The following DISC1 variants were observed in gnomAD, a reference collection of about 807,000 sequenced individuals.
The protein encoded by DISC1 is DISC1 scaffold protein.
In DISC1, 57 loss-of-function variants were observed where a neutral mutation model predicts 84.5. That is an observed-to-expected ratio of 0.67 (90% CI 0.55 to 0.84). The LOEUF (loss-of-function observed/expected upper bound fraction) is 0.84, where lower values mean the gene tolerates loss of function less well. DISC1 is among the 40% of genes least tolerant of loss of function. DISC1 has a pLI of 0.00. For missense variants in DISC1, 1,000 were observed against 1,057.8 expected (o/e 0.95, Z 0.76); for synonymous variants, 411 against 415.2 (o/e 0.99, Z 0.12).
intron 7 of DISC1, among the ~76,000 whole-genome samples, chr1:231,799,308 T>C (rs2125633289): frequency 6.6e-6 from 1 of 152,252 alleles, no homozygotes; most frequent in South Asian, 2.1e-4. Context: ...CCCTAAACAG[T>C]GTCTATTAAT....
rs2063060672 is a variant in DISC1 at position 231,675,569 on chromosome 1, T to C, written c.68-18257T>C. The stretch of plus-strand genomic sequence containing the variant: ...AAAATTTCCTGGGCTAGTAGGTCTC[T>C]CAAGGTGGCTGAGAGACCCTAGAAG... On this transcript the variant is annotated intron_variant, in intron 1 of 12. Coordinates refer to ENST00000439617, the MANE Select transcript of DISC1 (RefSeq NM_018662.3). The surrounding 1 kb of genome is among the most constrained non-coding windows in gnomAD (Gnocchi z 4.1). 6.6e-6 allele frequency among the ~76,000 whole-genome samples: 1 copy of C among 152,166 alleles called. No individual in the cohort carries two copies. Among genetic ancestry groups the C allele is most frequent in the African/African-American group, 2.4e-5 (1 of 41,422 alleles).
intron 11 of DISC1, among the ~76,000 whole-genome samples, chr1:232,021,042 C>G (rs1392349778): frequency 6.6e-6 from 1 of 152,126 alleles, no homozygotes; most frequent in East Asian, 1.9e-4. Context: ...CATCACATAC[C>G]AGGAGGACAT....
chr1:231,634,365 C>G (rs796437647), intron 1 of DISC1, among the ~76,000 whole-genome samples: 1 of 152,020 alleles, frequency 6.6e-6, no homozygotes, highest in East Asian at 1.9e-4. Flanking sequence ...AGAGATAAAA[C>G]GGGGTTCTAA....
intron 2 of DISC1, among the ~76,000 whole-genome samples, chr1:231,700,877 G>A (rs2066332272): frequency 6.6e-6 from 1 of 152,178 alleles, no homozygotes; most frequent in Non-Finnish European, 1.5e-5. Context: ...TGAAGGAAAT[G>A]TAGGTGTGAG....
At chr1:231,638,371 G>T (rs1207835333) in intron 1 of DISC1, among the ~76,000 whole-genome samples, 1 of 152,086 alleles carries the variant, frequency 6.6e-6, no homozygotes, top group Non-Finnish European at 1.5e-5. Flanking sequence ...TGTTGTTGTT[G>T]TTGCCTGTGC....
At chr1:231,960,238 C>A (rs945615170) in intron 10 of DISC1, among the ~76,000 whole-genome samples, 7 of 152,016 alleles carry the variant, frequency 4.6e-5, no homozygotes, top group African/African-American at 1.5e-4. Flanking sequence ...GTTTCCTTTA[C>A]CTTCTTCTTA....
At chr1:231,937,664 G>T (rs1207880773) in intron 9 of DISC1, among the ~76,000 whole-genome samples, 1 of 152,128 alleles carries the variant, frequency 6.6e-6, no homozygotes, top group East Asian at 1.9e-4. Context: ...ATGGGGGGAT[G>T]TCCAGGCTGC....
At chr1:231,993,761 A>G (rs551465969) in intron 10 of DISC1, among the ~76,000 whole-genome samples, 1 of 152,314 alleles carries the variant, frequency 6.6e-6, no homozygotes, top group African/African-American at 2.4e-5. Context: ...CATGAAAAAA[A>G]ATGGAGAAAT....
At chr1:231,997,990 A>G (rs894170280) in intron 10 of DISC1, among the ~76,000 whole-genome samples, 3 of 152,256 alleles carry the variant, frequency 2.0e-5, no homozygotes, top group South Asian at 2.1e-4. Context: ...TAGACATACA[A>G]GGTGTTCAAC....
chr1:231,866,601 C>G (rs774339894), intron 9 of DISC1: 5 of 1,495,932 alleles, frequency 3.3e-6, no homozygotes, highest in Non-Finnish European at 9.3e-7. Context: ...GGACACAGCA[C>G]TGTGATTTGA....
At chr1:231,646,684 A>G (rs1055505902) in intron 1 of DISC1, among the ~76,000 whole-genome samples, 10 of 152,290 alleles carry the variant, frequency 6.6e-5, no homozygotes, top group Middle Eastern at 3.4e-3. Flanking sequence ...CAACAGTGTA[A>G]AAGCATTCCT....
chr1:231,967,983 T>G (rs998442107), intron 10 of DISC1, among the ~76,000 whole-genome samples: 2 of 152,252 alleles, frequency 1.3e-5, no homozygotes, highest in Non-Finnish European at 2.9e-5. Context: ...AGTAGTTCAC[T>G]ATTCTAGACA....
At chr1:231,819,373 G>A (rs1272287048) in intron 9 of DISC1, 1 of 178,616 alleles carries the variant, frequency 5.6e-6, no homozygotes, top group Non-Finnish European at 1.1e-5. Flanking sequence ...GCTAGATTGA[G>A]AAATATAAAA....
intron 1 of DISC1, among the ~76,000 whole-genome samples, chr1:231,640,565 G>T (rs1330971835): frequency 1.8e-4 from 26 of 140,646 alleles, no homozygotes; most frequent in Non-Finnish European, 3.0e-5. Flanking sequence ...GTCTCCCTCT[G>T]TTGCCCATGC....
At chr1:231,678,967 C>T (rs946401426) in intron 1 of DISC1, among the ~76,000 whole-genome samples, 6 of 152,232 alleles carry the variant, frequency 3.9e-5, no homozygotes, top group African/African-American at 9.6e-5. Context: ...TGAGCCACCG[C>T]GCCCGGCCAC....
At chr1:231,932,970 A>T (rs564557327) in intron 9 of DISC1, among the ~76,000 whole-genome samples, 123 of 152,204 alleles carry the variant, frequency 8.1e-4, no homozygotes, top group Non-Finnish European at 1.5e-3. Context: ...TAATAAAAAC[A>T]TCCAATGTAA....
chr1:231,876,641 T>A (rs1297551870), intron 9 of DISC1, among the ~76,000 whole-genome samples: 1 of 152,204 alleles, frequency 6.6e-6, no homozygotes, highest in Non-Finnish European at 1.5e-5. Context: ...TTTAAAGCTT[T>A]GTGTCTGAAC....
intron 8 of DISC1, among the ~76,000 whole-genome samples, chr1:231,800,811 A>C (rs1185755304): frequency 6.6e-6 from 1 of 151,920 alleles, no homozygotes; most frequent in Non-Finnish European, 1.5e-5. Flanking sequence ...CGTGATCCGA[A>C]TGGACTGATG....
chr1:231,642,391 G>A (rs973955213), intron 1 of DISC1, among the ~76,000 whole-genome samples: 5 of 152,188 alleles, frequency 3.3e-5, no homozygotes, highest in Admixed American at 2.0e-4. Flanking sequence ...CTCAAGTGCC[G>A]CCAAAGTGGG....
Sources: gnomAD v4.1 joint callset for allele counts (sites outside exome capture counted in the v4.1 genomes callset) on GRCh38, gnomAD v4.1.1 for gene constraint, Gnocchi (gnomAD v3.1) non-coding constraint, MANE v1.5 for transcripts, NCBI Gene and HGNC (gene_info 2026-07-23, HGNC 2026-07-21) for gene names.